Variants in OSBPL7 observed in about 807,000 individuals in gnomAD.
The protein encoded by OSBPL7 is oxysterol-binding protein-related protein 7.
In OSBPL7, 66 loss-of-function variants were observed where a neutral mutation model predicts 115.8. The observed-to-expected ratio is 0.57, with a 90% CI of 0.47 to 0.70. The LOEUF is 0.70. OSBPL7 is among the 30% of genes least tolerant of loss of function. OSBPL7 has a pLI of 0.00. For synonymous variants in OSBPL7, 441 were observed against 439.2 expected, an observed-to-expected ratio of 1.00 and a Z score of -0.05; for missense variants, 902 against 1,125.5, an observed-to-expected ratio of 0.80 and a Z score of 2.84.
Position 47,816,079 on chromosome 17 carries a change from G to A in OSBPL7, c.1119+28C>T, listed in dbSNP as rs1308499481. On this transcript the variant is annotated intron_variant, in intron 12 of 22. Transcript: ENST00000007414. The surrounding 1 kb of genome is among the most constrained non-coding windows in gnomAD (Gnocchi z 5.8). ...TGGGAGAGAAGGCACAGGAGAATCG[G>A]CCCCCACAGCCCACCCTGGCTCCTC... 4 of 1,526,764 alleles carry A rather than the reference G, an allele frequency of 2.6e-6. No homozygotes were observed. In the East Asian group the frequency reaches 7.4e-5, roughly 28 times the overall value. The allele number at this position is 1,526,764 out of a possible 1,614,324, so 94.6% of individuals were successfully genotyped here.
At chr17:47,811,229 C>T (rs774315137) in intron 16 of OSBPL7, among the ~76,000 whole-genome samples, 13 of 151,764 alleles carry the variant, frequency 8.6e-5, no homozygotes, top group Non-Finnish European at 1.6e-4. Flanking sequence ...GATCATCGCC[C>T]TGCAACCTCC....
Position 47,808,283 on chromosome 17 carries a change from G to A in OSBPL7, c.*8C>T. 1 of 1,602,888 alleles carries A rather than the reference G, an allele frequency of 6.2e-7. No homozygotes were observed. The highest frequency in any genetic ancestry group is 8.5e-7 in the Non-Finnish European group (1 of 1,170,868). On this transcript the variant is annotated 3_prime_UTR_variant, in exon 23 of 23. Coordinates refer to ENST00000007414, the MANE Select transcript of OSBPL7 (RefSeq NM_145798.3). The surrounding 1 kb of genome is among the most constrained non-coding windows in gnomAD (Gnocchi z 6.1). ...AGGAACCAGAGCCTCCTGCCCCCGG[G>A]GCCAGGGCTACCAGAGCACGGCCCC... is the stretch of plus-strand genomic sequence containing the variant.
At chr17:47,821,208 G>A (rs1476921903) in intron 1 of OSBPL7, among the ~76,000 whole-genome samples, 2 of 152,202 alleles carry the variant, frequency 1.3e-5, no homozygotes, top group African/African-American at 4.8e-5. Context: ...TAATGCATGA[G>A]GCTCTGCATG....
intron 18 of OSBPL7, among the ~76,000 whole-genome samples, chr17:47,810,014 G>A (rs768511680): frequency 6.7e-6 from 1 of 150,354 alleles, no homozygotes; most frequent in Non-Finnish European, 1.5e-5. Flanking sequence ...CGCCTCCCAG[G>A]TTGAAGCAAT....
intron 18 of OSBPL7, among the ~76,000 whole-genome samples, chr17:47,809,771 C>T (rs1215032696): frequency 2.6e-5 from 4 of 152,220 alleles, no homozygotes. Context: ...TGTACGTTCA[C>T]ATCCGTTATC....
chr17:47,820,460 A>G (rs889907034), intron 1 of OSBPL7, 95 bp from the exon 2 acceptor site: 5 of 602,620 alleles, frequency 8.3e-6, no homozygotes, highest in Non-Finnish European at 1.4e-5. Context: ...GGGCTCCCCA[A>G]CATACCCTCT....
In OSBPL7 at chr17:47,808,644, T is replaced by C; in HGVS notation, c.2314A>G (p.Asn772Asp). The change falls in exon 22 of 23, where the codon AAC (asparagine) becomes GAC (aspartate). Residue 772 changes from asparagine (N) to aspartate (D), a missense_variant. Asn to Asp is a conservative substitution (Grantham distance 23). Coordinates refer to ENST00000007414, the MANE Select transcript of OSBPL7 (RefSeq NM_145798.3). This position sits in a 1 kb window ranked among gnomAD's most constrained non-coding sequence, Gnocchi z 6.1. ...RPDQRYLEEG[N>D]IQAAEAQKRR... ...TTCTGGGCCTCAGCGGCCTGTATGT[T>C]CCCCTCCTCCAGGTACCTGAGGATC... 4 of 1,614,086 alleles carry C rather than the reference T, an allele frequency of 2.5e-6. No individual in the cohort carries two copies. Among genetic ancestry groups the C allele is most frequent in the Non-Finnish European group, 3.4e-6 (4 of 1,180,022 alleles).
At chr17:47,817,471 C>T in intron 7 of OSBPL7, 112 bp from the exon 8 acceptor site, 1 of 665,548 alleles carries the variant, frequency 1.5e-6, no homozygotes, top group Non-Finnish European at 2.5e-6. Context: ...CTCACTGCAA[C>T]CTCTGCCTCC....
Position 47,814,590 on chromosome 17 carries a change from T to C in OSBPL7, c.1282A>G (p.Thr428Ala), listed in dbSNP as rs994154458. 1.9e-6 allele frequency: 3 copies of C among 1,607,414 alleles called. No homozygotes were observed. The highest frequency in any genetic ancestry group is 2.6e-6 in the Non-Finnish European group (3 of 1,176,104). Residue 428 changes from threonine (T) to alanine (A), a missense_variant, in exon 14 of 23, where the codon ACC becomes GCC. Physicochemically the swap from Thr to Ala is moderately conservative, Grantham distance 58. Transcript: ENST00000007414. Reference protein sequence around the residue: ...NEGSEEEESCTSEITTSLSEE... With the variant: ...NEGSEEEESCASEITTSLSEE... Reference sequence around the variant, plus strand: ...GACAGGCTGGTGGTGATTTCACTGGTACAGGACTCCTCCTCCTCTGAGCCC... The same window carrying C: ...GACAGGCTGGTGGTGATTTCACTGGCACAGGACTCCTCCTCCTCTGAGCCC...
chr17:47,813,265 C>A lies in OSBPL7; in HGVS notation c.1737+1G>T. Reference sequence around the variant, plus strand: ...CCAGCCCTCTTCTCCCAAGGCCATACCTGCTCACTGATGAAGCGGAAGCCT... The same window carrying A: ...CCAGCCCTCTTCTCCCAAGGCCATAACTGCTCACTGATGAAGCGGAAGCCT... On this transcript the variant is annotated splice_donor_variant, in intron 16 of 22. Coordinates refer to ENST00000007414, the MANE Select transcript of OSBPL7 (RefSeq NM_145798.3). LOFTEE classifies it high-confidence loss of function. 1 of 1,613,932 alleles carries A rather than the reference C, an allele frequency of 6.2e-7. No individual in the cohort carries two copies. Among genetic ancestry groups the A allele is most frequent in the Non-Finnish European group, 8.5e-7 (1 of 1,180,004 alleles).
At chr17:47,814,482 CGCCTCCCACCCCT>C in intron 14 of OSBPL7, 26 bp downstream of exon 14, 1 of 1,062,014 alleles carries the variant, frequency 9.4e-7, no homozygotes, top group Non-Finnish European at 1.4e-6. Context: ...TTTTTCCACC[CGCCTCCCACCCCT>C]CCCTGCCTGC....
At position 47,820,079 on chromosome 17, in the gene OSBPL7, C is replaced by T; in HGVS notation, c.93G>A (p.Glu31=). ...SSAQQASELW[E]VVEEPRVRLG... is the part of the protein sequence containing the mutation. ...GCCTGACCCGAGGCTCCTCCACCAC[C>T]TCCCACAGCTCAGAGGCCTGCAGTC... Residue 31 remains glutamate, a synonymous_variant, in exon 3 of 23, where the codon GAG becomes GAA. Coordinates refer to ENST00000007414, the MANE Select transcript of OSBPL7 (RefSeq NM_145798.3). 1 of 1,612,776 alleles carries T rather than the reference C, an allele frequency of 6.2e-7. No homozygotes were observed. The highest frequency in any genetic ancestry group is 8.5e-7 in the Non-Finnish European group (1 of 1,179,970).
At position 47,814,716 on chromosome 17, in the gene OSBPL7, G is replaced by A. The variant is rs759118324; in HGVS notation, c.1258-102C>T. The A allele has an allele frequency of 2.3e-5, 23 of 993,784 alleles. 1 individual carries two copies. The highest frequency in any genetic ancestry group is 3.2e-5 in the African/African-American group (2 of 62,034). 61.6% of individuals were successfully genotyped at this position (993,784 alleles called of 1,614,324 possible). A position where few individuals can be genotyped will look rare whatever the true frequency, so the allele number is the denominator to read the frequency against. On this transcript the variant is annotated intron_variant, in intron 13 of 22. Transcript: ENST00000007414. ...AATCTGCCCAACTAGCCCTTTGGTG[G>A]GAAGGGGAAGAGAATGTATTGGGGG...
At chr17:47,815,951 G>C in intron 12 of OSBPL7, 156 bp downstream of exon 12, 1 of 609,732 alleles carries the variant, frequency 1.6e-6, no homozygotes, top group South Asian at 2.1e-5. Context: ...ATCGAGATGG[G>C]GCTGCCGCTT....
rs1598021563 is a variant in OSBPL7 at position 47,816,092 on chromosome 17, A to C, written c.1119+15T>G. On this transcript the variant is annotated intron_variant, in intron 12 of 22. Transcript: ENST00000007414. The surrounding 1 kb of genome is among the most constrained non-coding windows in gnomAD (Gnocchi z 5.8). ...ACAGGAGAATCGGCCCCCACAGCCCACCCTGGCTCCTCACCTCCTCAGGGT... is the reference window on the plus strand; with the variant it reads ...ACAGGAGAATCGGCCCCCACAGCCCCCCCTGGCTCCTCACCTCCTCAGGGT... 1 of 1,544,892 alleles carries C rather than the reference A, an allele frequency of 6.5e-7. No homozygotes were observed. Among genetic ancestry groups the C allele is most frequent in the Non-Finnish European group, 8.7e-7 (1 of 1,143,074 alleles).
At chr17:47,819,371 C>A (rs2033326883) in intron 4 of OSBPL7, 1 of 562,542 alleles carries the variant, frequency 1.8e-6, no homozygotes, top group African/African-American at 1.9e-5. Context: ...GAAGGCAACA[C>A]CCTCCCAGAG....
At chr17:47,818,420 G>A (rs1567944760) in intron 6 of OSBPL7, 34 bp from the exon 7 acceptor site, 1 of 1,599,896 alleles carries the variant, frequency 6.3e-7, no homozygotes, top group Non-Finnish European at 8.5e-7. Flanking sequence ...GAAGGATGAT[G>A]CCCACCTCCC....
chr17:47,820,447 T>A, intron 1 of OSBPL7, 82 bp from the exon 2 acceptor site: 1 of 632,108 alleles, frequency 1.6e-6, no homozygotes, highest in Middle Eastern at 4.4e-4. Context: ...CCCTCTGAGA[T>A]AAGGGCTCCC....
At chr17:47,809,725 C>T (rs2032976947) in intron 18 of OSBPL7, among the ~76,000 whole-genome samples, 1 of 152,180 alleles carries the variant, frequency 6.6e-6, no homozygotes, top group Non-Finnish European at 1.5e-5. Context: ...GATGAAAATA[C>T]ACAAAGTGTC....
Sources: gnomAD v4.1 joint callset for allele counts (sites outside exome capture counted in the v4.1 genomes callset) on GRCh38, gnomAD v4.1.1 for gene constraint, Gnocchi (gnomAD v3.1) non-coding constraint, MANE v1.5 for transcripts, NCBI Gene and HGNC (gene_info 2026-07-23, HGNC 2026-07-21) for gene names.